PYGB: variants seen among roughly 807,000 people sequenced by gnomAD.
The protein encoded by PYGB is glycogen phosphorylase, brain form.
PYGB carries 82 observed loss-of-function variants against 94.3 expected under a neutral mutation model. The ratio of observed to expected loss-of-function variants is 0.87; its 90% confidence interval spans 0.73 to 1.04. The LOEUF (loss-of-function observed/expected upper bound fraction) is 1.04, where lower values mean the gene tolerates loss of function less well. Ranked by LOEUF, PYGB falls within the 50% of genes least tolerant of loss-of-function variation. The pLI is 0.00. For synonymous variants in PYGB, 488 were observed against 479.1 expected, an observed-to-expected ratio of 1.02 and a Z score of -0.24; for missense variants, 1,132 against 1,158.2, an observed-to-expected ratio of 0.98 and a Z score of 0.33.
In PYGB at chr20:25,284,272, C is replaced by T. The variant is rs200924897; in HGVS notation, c.1768+21C>T. 337 of 1,607,060 alleles carry T rather than the reference C, an allele frequency of 2.1e-4. 2 individuals carry two copies. In the African/African-American group the frequency reaches 4.0e-3, roughly 19 times the overall value. On this transcript the variant is annotated intron_variant, in intron 14 of 19. Coordinates refer to ENST00000216962, the MANE Select transcript of PYGB (RefSeq NM_002862.4). ...CAATCGTGAGTGCCGGCATCACCTG[C>T]ATGACCGCGCTGTGGGGCCCAAGGC... is the stretch of plus-strand genomic sequence containing the variant.
At chr20:25,258,624 G>C (rs2092907277) in intron 1 of PYGB, among the ~76,000 whole-genome samples, 1 of 152,242 alleles carries the variant, frequency 6.6e-6, no homozygotes, top group Admixed American at 6.5e-5. Flanking sequence ...CACTGCATGG[G>C]TGGCCGTCCT....
At chr20:25,250,627 C>T (rs968599513) in intron 1 of PYGB, among the ~76,000 whole-genome samples, 1 of 152,090 alleles carries the variant, frequency 6.6e-6, no homozygotes, top group African/African-American at 2.4e-5. Flanking sequence ...GGTGATGGAC[C>T]AGCAACCAGT....
At chr20:25,255,092 C>T (rs533113501) in intron 1 of PYGB, among the ~76,000 whole-genome samples, 1 of 152,170 alleles carries the variant, frequency 6.6e-6, no homozygotes, top group African/African-American at 2.4e-5. Context: ...AAGAAAGTAC[C>T]GTGTGACATC....
At chr20:25,257,537 T>C (rs6132824) in intron 1 of PYGB, among the ~76,000 whole-genome samples, 63,964 of 152,012 alleles carry the variant, frequency 0.42, 15,036 homozygotes, top group East Asian at 0.92. Context: ...AACCTAAAAA[T>C]CCACATTTTA....
At chr20:25,261,952 C>T (rs1398447980) in intron 2 of PYGB, among the ~76,000 whole-genome samples, 1 of 152,146 alleles carries the variant, frequency 6.6e-6, no homozygotes, top group African/African-American at 2.4e-5. Flanking sequence ...AAGAAATGAA[C>T]AAAGCCTCCA....
rs202017106 is a variant in PYGB, at chr20:25,284,096, C to T, written c.1621-8C>T. On this transcript the variant is annotated splice_region_variant and splice_polypyrimidine_tract_variant and intron_variant, in intron 13 of 19. Coordinates refer to ENST00000216962, the MANE Select transcript of PYGB (RefSeq NM_002862.4). The stretch of plus-strand genomic sequence containing the variant: ...GTCTCCAGCCATCTTTCCCTTTCAC[C>T]CTCCCAGGAGAACAAGCTCAAGTTC... 6.2e-7 allele frequency: 1 copy of T among 1,613,092 alleles called. No individual in the cohort carries two copies.
chr20:25,286,920 G>A (rs2088423233), intron 14 of PYGB, among the ~76,000 whole-genome samples: 1 of 152,178 alleles, frequency 6.6e-6, no homozygotes, highest in African/African-American at 2.4e-5. Context: ...TGTGTGTTTC[G>A]TTTTTCCTGT....
intron 2 of PYGB, 32 bp from the exon 3 acceptor site, chr20:25,269,097 C>T (rs901748424): frequency 1.1e-5 from 17 of 1,509,850 alleles, no homozygotes; most frequent in Non-Finnish European, 1.6e-5. Context: ...TATTGAGTAA[C>T]ATTAAAATGC....
chr20:25,268,148 A>C (rs2088233420), intron 2 of PYGB, among the ~76,000 whole-genome samples: 3 of 47,530 alleles, frequency 6.3e-5, no homozygotes, highest in South Asian at 1.3e-3. Context: ...TTATTGAGTA[A>C]ATCCTAGCAC....
chr20:25,283,115 C>T, intron 12 of PYGB, 61 bp from the exon 13 acceptor site: 1 of 1,415,982 alleles, frequency 7.1e-7, no homozygotes, highest in Non-Finnish European at 9.9e-7. Flanking sequence ...GGGCAGGTGG[C>T]TAGGGGGCCC....
rs1600728430 is a variant in PYGB, at chr20:25,270,851, T to C, written c.425-532T>C. Among the ~76,000 whole-genome samples the C allele has an allele frequency of 2.0e-5, 3 of 152,194 alleles. No individual in the cohort carries two copies. In the East Asian group the frequency reaches 5.8e-4, roughly 29 times the overall value. ...TTGTTTTTCTTTCAAGACGTTTTGATTGGAACAAGGGCTGGATTTAATGAC... is the reference window on the plus strand; with the variant it reads ...TTGTTTTTCTTTCAAGACGTTTTGACTGGAACAAGGGCTGGATTTAATGAC... On this transcript the variant is annotated intron_variant, in intron 3 of 19. Transcript: ENST00000216962.
chr20:25,269,158 G>C lies in PYGB; in HGVS notation c.375G>C (p.Glu125Asp), dbSNP rs889085835. The C allele has an allele frequency of 6.9e-6, 11 of 1,599,850 alleles. No individual in the cohort carries two copies. The highest frequency in any genetic ancestry group is 9.4e-6 in the Non-Finnish European group (11 of 1,167,112). The change falls in exon 3 of 20, where the codon GAG becomes GAC. Residue 125 changes from glutamate to aspartate, a missense_variant. Coordinates refer to ENST00000216962, the MANE Select transcript of PYGB (RefSeq NM_002862.4). ...QLGLDLEELE[E>D]IEEDAGLGNG... ...GGTTAGACTTGGAGGAACTCGAGGA[G>C]ATAGAAGAAGATGCTGGCCTTGGGA... is the stretch of plus-strand genomic sequence containing the variant.
At chr20:25,289,780 C>A in intron 15 of PYGB, 1 of 530,122 alleles carries the variant, frequency 1.9e-6, no homozygotes, top group South Asian at 1.4e-5. Flanking sequence ...TAGCTCTTCA[C>A]TCTTACATAC....
At position 25,297,060 on chromosome 20, in the gene PYGB, A is replaced by ACAGCCCC. The variant is rs1568703573; in HGVS notation, c.*540_*546dup. The ACAGCCCC allele has an allele frequency of 6.2e-6, 1 of 161,258 alleles. No homozygotes were observed. The highest frequency in any genetic ancestry group is 1.9e-4 in the East Asian group (1 of 5,286). 10.0% of individuals were successfully genotyped at this position (161,258 alleles called of 1,614,324 possible). ...GTCGGATCCTCTAGGCATCGCCTTC[A>ACAGCCCC]CAGCCCCCTGCCCCCTGCCCTCTGT... is the stretch of plus-strand genomic sequence containing the variant. On this transcript the variant is annotated 3_prime_UTR_variant, in exon 20 of 20. Coordinates refer to ENST00000216962, the MANE Select transcript of PYGB (RefSeq NM_002862.4).
At chr20:25,295,963 T>C (rs2088536274) in intron 19 of PYGB, among the ~76,000 whole-genome samples, 1 of 152,152 alleles carries the variant, frequency 6.6e-6, no homozygotes. Context: ...CAGTCAGGGC[T>C]GGCCTCGAGG....
rs1339992593 is a variant in PYGB, at chr20:25,271,368, G to C, written c.425-15G>C. The C allele has an allele frequency of 6.2e-7, 1 of 1,612,506 alleles. No individual in the cohort carries two copies. The highest frequency in any genetic ancestry group is 8.5e-7 in the Non-Finnish European group (1 of 1,178,656). On this transcript the variant is annotated splice_polypyrimidine_tract_variant and intron_variant, in intron 3 of 19. Transcript: ENST00000216962. ...GTGCCTTTGATTCTGACTGATTTGT[G>C]ATTGATTTTTTCAGCGTGTTTCCTT...
chr20:25,287,826 A>T (rs559133800), intron 14 of PYGB, among the ~76,000 whole-genome samples: 3 of 152,242 alleles, frequency 2.0e-5, no homozygotes, highest in East Asian at 3.9e-4. Context: ...ACAAAAAATT[A>T]AAAAATTAGC....
In PYGB at chr20:25,279,089, CCT is replaced by C; in HGVS notation, c.1036_1037del (p.Ser346HisfsTer3). The C allele has an allele frequency of 6.2e-7, 1 of 1,613,946 alleles. No homozygotes were observed. Among genetic ancestry groups the C allele is most frequent in the East Asian group, 2.2e-5 (1 of 44,866 alleles). On this transcript the variant is annotated frameshift_variant, in exon 9 of 20. Transcript: ENST00000216962. LOFTEE classifies it high-confidence loss of function. ...TCCAGCTGAACGACACCCACCCCGC[CCT>C]CTCCATCCCTGAGCTCATGCGGATC... Reference protein sequence around the residue: ...AIQLNDTHPALSIPELMRILV... With the variant: ...AIQLNDTHPAXSIPELMRILV...
At chr20:25,283,054 C>A in intron 12 of PYGB, 122 bp from the exon 13 acceptor site, 1 of 812,608 alleles carries the variant, frequency 1.2e-6, no homozygotes, top group Non-Finnish European at 2.0e-6. Flanking sequence ...CCGGAGGGGC[C>A]GGACAAGCAG....
Sources: allele counts gnomAD v4.1 joint callset (sites outside exome capture counted in the v4.1 genomes callset), GRCh38; gene constraint gnomAD v4.1.1; transcripts MANE v1.5; gene names NCBI Gene and HGNC (gene_info 2026-07-23, HGNC 2026-07-21).